TH: variants seen among roughly 807,000 people sequenced by gnomAD.
The protein encoded by TH is tyrosine 3-monooxygenase.
Under a neutral mutation model 57.4 loss-of-function variants are expected in TH, and 49 were observed. That is an observed-to-expected ratio of 0.85 (90% confidence interval 0.68 to 1.08). TH has a LOEUF of 1.08. TH is among the 50% of genes least tolerant of loss of function. The probability of loss-of-function intolerance (pLI) is 0.00; values close to 1 mark genes in which losing one functional copy is unlikely to be tolerated. For missense variants in TH, 720 were observed against 696.7 expected, an observed-to-expected ratio of 1.03 and a Z score of -0.38; for synonymous variants, 330 against 304.5, an observed-to-expected ratio of 1.08 and a Z score of -0.87.
At position 2,166,667 on chromosome 11, in the gene TH, G is replaced by T; in HGVS notation, c.943C>A (p.Arg315Ser). Residue 315 changes from arginine (R) to serine (S), a missense_variant, in exon 8 of 13, where the codon CGC becomes AGC. Transcript: ENST00000352909. ...GAGTGCATGGGCGAGGACGCGTGGC[G>T]GATATACTGGGTGCACTGGAACACG... ...FRVFQCTQYI[R>S]HASSPMHSPE... 1 of 1,569,092 alleles carries T rather than the reference G, an allele frequency of 6.4e-7. No homozygotes were observed.
At chr11:2,168,795 A>C (rs1846174123) in intron 2 of TH, 130 bp from the exon 3 acceptor site, 1 of 1,133,120 alleles carries the variant, frequency 8.8e-7, no homozygotes, top group East Asian at 2.6e-5. Context: ...TTGTGCTAGC[A>C]GCACACAGAT....
Position 2,164,089 on chromosome 11 carries a change from G to C in TH, c.*144C>G. 1 of 698,028 alleles carries C rather than the reference G, an allele frequency of 1.4e-6. No individual in the cohort carries two copies. The highest frequency in any genetic ancestry group is 2.1e-6 in the Non-Finnish European group (1 of 484,584). The allele number at this position is 698,028 out of a possible 1,614,324, so 43.2% of individuals were successfully genotyped here. On this transcript the variant is annotated 3_prime_UTR_variant, in exon 13 of 13. Transcript: ENST00000352909. ...CACGGGCACACACAGCTGTTGCGCT[G>C]AGAAGCAGGTGCAGGGGCAGTGGGA...
intron 2 of TH, 27 bp from the exon 3 acceptor site, chr11:2,168,692 AGAGAAG>A: frequency 7.6e-7 from 1 of 1,318,814 alleles, no homozygotes; most frequent in Non-Finnish European, 1.0e-6. Context: ...AGGAAGAGAG[AGAGAAG>A]GAGAAAGAGA....
intron 2 of TH, among the ~76,000 whole-genome samples, chr11:2,169,436 G>A (rs2133699156): frequency 6.6e-6 from 1 of 152,264 alleles, no homozygotes; most frequent in African/African-American, 2.4e-5. Flanking sequence ...GGTAGCCTCA[G>A]CCCTAGGGGT....
rs866307476 is a variant in TH at position 2,165,829 on chromosome 11, C to T, written c.1105-66G>A. ...CGCCCACCGGGCAGCCCCTGGTCAC[C>T]CGTGACCAGGATACCACCCCCAGGG... On this transcript the variant is annotated intron_variant, in intron 10 of 12. Transcript: ENST00000352909. The T allele has an allele frequency of 1.5e-4, 236 of 1,558,462 alleles. 1 individual carries two copies. The South Asian group carries it at 2.5e-3, about 17-fold the overall frequency.
intron 11 of TH, 66 bp downstream of exon 11, chr11:2,165,602 C>A (rs954840715): frequency 9.1e-6 from 14 of 1,534,690 alleles, no homozygotes; most frequent in Non-Finnish European, 1.3e-5. Flanking sequence ...GGGAGCCTGT[C>A]CCCTCCCTGC....
rs200598308 is a variant in TH at position 2,168,552 on chromosome 11, G to A, written c.426C>T (p.Ala142=). Residue 142 remains alanine (A), a synonymous_variant, in exon 3 of 13, where the codon GCC becomes GCT. Transcript: ENST00000352909. The part of the protein sequence containing the change: ...VRLEVRRGDL[A]ALLSGVRQVS... ...CCTGGCGCACACCACTGAGCAGGGC[G>A]GCCAGGTCCCCTCGGCGCACCTCGA... 2.5e-5 allele frequency: 41 copies of A among 1,612,010 alleles called. No individual in the cohort carries two copies. The highest frequency in any genetic ancestry group is 6.7e-5 in the Admixed American group (4 of 59,988).
At position 2,170,724 on chromosome 11, in the gene TH, G is replaced by A. The variant is rs756331878; in HGVS notation, c.91-853C>T. 23 of 1,603,852 alleles carry A rather than the reference G, an allele frequency of 1.4e-5. No homozygotes were observed. The highest frequency in any genetic ancestry group is 1.5e-5 in the Non-Finnish European group (18 of 1,177,524). On this transcript the variant is annotated intron_variant, in intron 1 of 12. Transcript: ENST00000352909. The surrounding 1 kb of genome is among the most constrained non-coding windows in gnomAD (Gnocchi z 6.0). ...GGGGGTGTAGGATGCAGCTGGGGCT[G>A]CAGTTCCAGGCCACGGAGAGCCTGT...
In TH at chr11:2,170,551, G is replaced by T; in HGVS notation, c.91-680C>A. 1.2e-6 allele frequency: 1 copy of T among 819,204 alleles called. No homozygotes were observed. The highest frequency in any genetic ancestry group is 2.0e-6 in the Non-Finnish European group (1 of 490,424). 50.7% of individuals were successfully genotyped at this position (819,204 alleles called of 1,614,324 possible). A position where few individuals can be genotyped will look rare whatever the true frequency, so the allele number is the denominator to read the frequency against. ...AGAGGGGGACTTGGCAGACACCTGG[G>T]GCTCATCCCTTGGAGCTGAACTCCC... On this transcript the variant is annotated intron_variant, in intron 1 of 12. Transcript: ENST00000352909. This position sits in a 1 kb window ranked among gnomAD's most constrained non-coding sequence, Gnocchi z 6.0.
In TH at chr11:2,167,484, C is replaced by G. The variant is rs762304556; in HGVS notation, c.646G>C (p.Gly216Arg). ...IAEIAFQYRH[G>R]DPIPRVEYTA... The stretch of plus-strand genomic sequence containing the variant: ...TACTCCACACGGGGAATCGGGTCGC[C>G]GCTGGGGAGGGGGCCAGTGGTCAGC... Residue 216 changes from glycine to arginine, a missense_variant and splice_region_variant, in exon 6 of 13, where the codon GGC (glycine) becomes CGC (arginine). Physicochemically the swap from Gly to Arg is moderately radical, Grantham distance 125. Coordinates refer to ENST00000352909, the MANE Select transcript of TH (RefSeq NM_000360.4). 1.3e-6 allele frequency: 2 copies of G among 1,559,216 alleles called. No homozygotes were observed. The highest frequency in any genetic ancestry group is 1.7e-6 in the Non-Finnish European group (2 of 1,151,516).
rs536769091 is a variant in TH at position 2,168,808 on chromosome 11, C to T, written c.313-143G>A. 6.4e-5 allele frequency: 68 copies of T among 1,055,734 alleles called. No individual in the cohort carries two copies. The African/African-American group carries it at 9.1e-4, about 14-fold the overall frequency. The allele number at this position is 1,055,734 out of a possible 1,614,324, so 65.4% of individuals were successfully genotyped here. A position where few individuals can be genotyped will look rare whatever the true frequency, so the allele number is the denominator to read the frequency against. ...TTTTGTGCTAGCAGCACACAGATCC[C>T]GTTCTTCCAGGCTCAGGTCAGCTGT... On this transcript the variant is annotated intron_variant, in intron 2 of 12. Transcript: ENST00000352909.
At chr11:2,168,268 TC>T (rs1846155569) in intron 3 of TH, 89 bp from the exon 4 acceptor site, 3 of 1,473,924 alleles carry the variant, frequency 2.0e-6, no homozygotes, top group Non-Finnish European at 1.9e-6. Context: ...CTACAAGACT[TC>T]CGGGGGGCAG....
In TH at chr11:2,171,115, G is replaced by GAATT. The variant is rs1359881919; in HGVS notation, c.90+581_90+582insAATT. 3.3e-5 allele frequency among the ~76,000 whole-genome samples: 4 copies of GAATT among 121,044 alleles called. No homozygotes were observed. Among genetic ancestry groups the GAATT allele is most frequent in the African/African-American group, 1.1e-4 (4 of 37,546 alleles). The allele number at this position is 121,044 out of a possible 152,430, so 79.4% of individuals were successfully genotyped here. A position where few individuals can be genotyped will look rare whatever the true frequency, so the allele number is the denominator to read the frequency against. Reference sequence around the variant, plus strand: ...TGAATGAATGAATGAATGAATGAATGAGGGAAATAAGGGAGGAACAGGCCA... The same window carrying GAATT: ...TGAATGAATGAATGAATGAATGAATGAATTAGGGAAATAAGGGAGGAACAGGCCA... On this transcript the variant is annotated intron_variant, in intron 1 of 12. Transcript: ENST00000352909. The surrounding 1 kb of genome is among the most constrained non-coding windows in gnomAD (Gnocchi z 8.6).
At position 2,170,694 on chromosome 11, in the gene TH, G is replaced by A; in HGVS notation, c.91-823C>T. The stretch of plus-strand genomic sequence containing the variant: ...CCAGAGTCCCCTCTTACTTACCCTT[G>A]GGGTGGGGGTGTAGGATGCAGCTGG... On this transcript the variant is annotated intron_variant, in intron 1 of 12. Transcript: ENST00000352909. The surrounding 1 kb of genome is among the most constrained non-coding windows in gnomAD (Gnocchi z 6.0). 6.2e-7 allele frequency: 1 copy of A among 1,605,078 alleles called. No homozygotes were observed. The highest frequency in any genetic ancestry group is 8.5e-7 in the Non-Finnish European group (1 of 1,177,112).
chr11:2,166,055 T>C lies in TH; in HGVS notation c.1051A>G (p.Ile351Val), dbSNP rs1846081313. The change falls in exon 10 of 13, where the codon ATT (isoleucine) becomes GTT (valine). Residue 351 changes from isoleucine (I) to valine (V), a missense_variant. Coordinates refer to ENST00000352909, the MANE Select transcript of TH (RefSeq NM_000360.4). ...GAGGCCCCCAGGGACGCCAGGCCAA[T>C]GTCCTGTGGAGCAGGGAGGATGAAG... ...DRTFAQFSQD[I>V]GLASLGASDE... 3.9e-6 allele frequency: 6 copies of C among 1,555,580 alleles called. No individual in the cohort carries two copies. The highest frequency in any genetic ancestry group is 1.7e-4 in the Middle Eastern group (1 of 6,020).
At position 2,164,470 on chromosome 11, in the gene TH, C is replaced by T. The variant is rs1055909161; in HGVS notation, c.1335-78G>A. On this transcript the variant is annotated intron_variant, in intron 12 of 12. Coordinates refer to ENST00000352909, the MANE Select transcript of TH (RefSeq NM_000360.4). ...CTCCAGGAGAGGGGAGGCCAGGGGCCGCGTTTCCACCTTCACAGTGGCTCA... is the reference window on the plus strand; with the variant it reads ...CTCCAGGAGAGGGGAGGCCAGGGGCTGCGTTTCCACCTTCACAGTGGCTCA... The T allele has an allele frequency of 1.7e-5, 25 of 1,499,860 alleles. No individual in the cohort carries two copies. In the East Asian group the frequency reaches 3.7e-4, roughly 22 times the overall value. The allele number at this position is 1,499,860 out of a possible 1,614,324, so 92.9% of individuals were successfully genotyped here. A position where few individuals can be genotyped will look rare whatever the true frequency, so the allele number is the denominator to read the frequency against.
chr11:2,167,763 T>C (rs1846138563), intron 5 of TH, 103 bp downstream of exon 5: 11 of 1,371,340 alleles, frequency 8.0e-6, no homozygotes, highest in Admixed American at 3.9e-5. Flanking sequence ...GCACTGATGC[T>C]GGTGACAAGA....
intron 2 of TH, 59 bp from the exon 3 acceptor site, chr11:2,168,724 A>AGGGGGGGGGGGGG: frequency 1.0e-5 from 1 of 97,956 alleles, no homozygotes; most frequent in Non-Finnish European, 1.9e-5. Context: ...ATGGAGAGAG[A>AGGGGGGGGGGGGG]GGGTGGGGTG....
rs758167178 is a variant in TH, at chr11:2,164,331, T to C, written c.1396A>G (p.Ile466Val). Reference protein sequence around the residue: ...SVKFDPYTLAIDVLDSPQAVR... With the variant: ...SVKFDPYTLAVDVLDSPQAVR... ...GCCTGGGGGCTGTCCAGCACGTCGA[T>C]GGCCAGCGTGTACGGGTCGAACTTC... The change falls in exon 13 of 13, where the codon ATC (isoleucine) becomes GTC (valine). Residue 466 changes from isoleucine (I) to valine (V), a missense_variant. By Grantham distance (29) the Ile-to-Val change is conservative (BLOSUM62 3). Coordinates refer to ENST00000352909, the MANE Select transcript of TH (RefSeq NM_000360.4). 3 of 1,540,188 alleles carry C rather than the reference T, an allele frequency of 1.9e-6. No individual in the cohort carries two copies. Among genetic ancestry groups the C allele is most frequent in the East Asian group, 2.4e-5 (1 of 41,626 alleles).
Sources: gnomAD v4.1 joint callset for allele counts (sites outside exome capture counted in the v4.1 genomes callset) on GRCh38, gnomAD v4.1.1 for gene constraint, Gnocchi (gnomAD v3.1) non-coding constraint, MANE v1.5 for transcripts, NCBI Gene and HGNC (gene_info 2026-07-23, HGNC 2026-07-21) for gene names.